The following CABCOCO1 variants were observed in gnomAD, a reference collection of about 807,000 sequenced individuals.
CABCOCO1 encodes the protein ciliary-associated calcium-binding coiled-coil protein 1.
CABCOCO1 carries 28 observed loss-of-function variants against 35.7 expected under a neutral mutation model. The ratio of observed to expected loss-of-function variants is 0.78; its 90% CI spans 0.58 to 1.07. The LOEUF (loss-of-function observed/expected upper bound fraction) is 1.07, where lower values mean the gene tolerates loss of function less well. Ranked by LOEUF, CABCOCO1 falls within the 50% of genes least tolerant of loss-of-function variation. The probability of loss-of-function intolerance (pLI) is 0.00; values close to 1 mark genes in which losing one functional copy is unlikely to be tolerated. For missense variants in CABCOCO1, 326 were observed against 309.2 expected, an observed-to-expected ratio of 1.05 and a Z score of -0.41; for synonymous variants, 95 against 100.1, an observed-to-expected ratio of 0.95 and a Z score of 0.30.
chr10:61,757,272 A>G (rs1841916806), intron 5 of CABCOCO1, among the ~76,000 whole-genome samples: 1 of 152,072 alleles, frequency 6.6e-6, no homozygotes, highest in Non-Finnish European at 1.5e-5. Flanking sequence ...GAAAAAAATC[A>G]CTGTGATGCT....
At chr10:61,677,397 A>G (rs1459608485) in intron 2 of CABCOCO1, among the ~76,000 whole-genome samples, 1 of 152,182 alleles carries the variant, frequency 6.6e-6, no homozygotes, top group Admixed American at 6.5e-5. Context: ...TTTCTGATCT[A>G]TTATTAACTG....
intron 4 of CABCOCO1, among the ~76,000 whole-genome samples, chr10:61,690,199 TAA>T (rs966037815): frequency 2.6e-5 from 4 of 152,122 alleles, no homozygotes; most frequent in African/African-American, 7.2e-5. Context: ...GCAAATAATG[TAA>T]AGTTTCATGT....
intron 2 of CABCOCO1, among the ~76,000 whole-genome samples, chr10:61,677,423 C>G (rs1022694397): frequency 6.6e-6 from 1 of 152,176 alleles, no homozygotes; most frequent in African/African-American, 2.4e-5. Flanking sequence ...AGACCTCTCT[C>G]CTATTGATAA....
At chr10:61,751,823 T>C (rs1158042894) in intron 5 of CABCOCO1, among the ~76,000 whole-genome samples, 1 of 152,146 alleles carries the variant, frequency 6.6e-6, no homozygotes. Flanking sequence ...TACTCTCAAC[T>C]GAGCAGCAGA....
intron 5 of CABCOCO1, among the ~76,000 whole-genome samples, chr10:61,692,678 G>A (rs112756032): frequency 0.027 from 4,042 of 152,078 alleles, 99 homozygotes; most frequent in African/African-American, 0.059. Context: ...CTTCATTTGG[G>A]TACTTGTTCT....
intron 5 of CABCOCO1, 57 bp downstream of exon 5, chr10:61,690,678 C>A: frequency 8.8e-7 from 1 of 1,138,828 alleles, no homozygotes; most frequent in Non-Finnish European, 1.3e-6. Context: ...GCATGCTGAT[C>A]AGCATCTGGA....
intron 5 of CABCOCO1, among the ~76,000 whole-genome samples, chr10:61,714,013 T>A (rs1187582668): frequency 2.0e-5 from 3 of 152,222 alleles, no homozygotes; most frequent in African/African-American, 7.2e-5. Context: ...ATCACGATGA[T>A]GTTGGCCTCA....
chr10:61,683,507 C>T (rs1223091467), intron 3 of CABCOCO1, among the ~76,000 whole-genome samples: 7 of 151,990 alleles, frequency 4.6e-5, no homozygotes, highest in Admixed American at 1.3e-4. Context: ...GCTGCAGTGA[C>T]CCATGATTGC....
rs1293556877 is a variant in CABCOCO1, at chr10:61,668,375, A to G, written c.61-4257A>G. ...CTGGCCTCTTAAAAATGAACTCTCTATAGTCTGTAAATATTAGACTAACAT... is the reference window on the plus strand; with the variant it reads ...CTGGCCTCTTAAAAATGAACTCTCTGTAGTCTGTAAATATTAGACTAACAT... On this transcript the variant is annotated intron_variant, in intron 1 of 7. Coordinates refer to ENST00000648843, the MANE Select transcript of CABCOCO1 (RefSeq NM_001366906.2). Among the ~76,000 whole-genome samples, 6 of 151,988 alleles carry G rather than the reference A, an allele frequency of 3.9e-5. No individual in the cohort carries two copies. The East Asian group carries it at 1.2e-3, about 29-fold the overall frequency.
intron 5 of CABCOCO1, among the ~76,000 whole-genome samples, chr10:61,753,930 G>A (rs1841845019): frequency 6.6e-6 from 1 of 152,136 alleles, no homozygotes; most frequent in African/African-American, 2.4e-5. Flanking sequence ...TAATTGGGCT[G>A]CTTGAGCAGT....
chr10:61,719,561 T>C (rs1840947616), intron 5 of CABCOCO1, among the ~76,000 whole-genome samples: 1 of 152,154 alleles, frequency 6.6e-6, no homozygotes, highest in African/African-American at 2.4e-5. Flanking sequence ...GCACTGCTGA[T>C]GAGCAAGATG....
At chr10:61,665,683 C>A (rs1839147332) in intron 1 of CABCOCO1, among the ~76,000 whole-genome samples, 1 of 151,658 alleles carries the variant, frequency 6.6e-6, no homozygotes, top group Non-Finnish European at 1.5e-5. Context: ...GTCAGGAGAT[C>A]GAGACCATCC....
intron 5 of CABCOCO1, among the ~76,000 whole-genome samples, chr10:61,758,006 A>G (rs995789157): frequency 1.3e-5 from 2 of 152,092 alleles, no homozygotes; most frequent in African/African-American, 4.8e-5. Context: ...AAGCTTAGCA[A>G]CAAGACAAAT....
At chr10:61,687,837 C>G (rs1414798382) in intron 4 of CABCOCO1, among the ~76,000 whole-genome samples, 2 of 152,012 alleles carry the variant, frequency 1.3e-5, no homozygotes, top group African/African-American at 2.4e-5. Flanking sequence ...GCTGTTAAGT[C>G]GTCATATTGT....
rs773509307 is a variant in CABCOCO1, at chr10:61,765,958, T to A, written c.836T>A (p.Leu279Gln). Residue 279 changes from leucine to glutamine, a missense_variant, in exon 8 of 8, where the codon CTG (leucine) becomes CAG (glutamine). By Grantham distance (113) the Leu-to-Gln change is moderately radical. Coordinates refer to ENST00000648843, the MANE Select transcript of CABCOCO1 (RefSeq NM_001366906.2). ...IGIQTEINEK[L>Q]QIQEEAFNAR... Reference sequence around the variant, plus strand: ...TCACAGACCGAGATAAACGAAAAACTGCAAATACAGGAAGAGGCCTTTAAT... The same window carrying A: ...TCACAGACCGAGATAAACGAAAAACAGCAAATACAGGAAGAGGCCTTTAAT... 1 of 1,613,254 alleles carries A rather than the reference T, an allele frequency of 6.2e-7. No homozygotes were observed. Among genetic ancestry groups the A allele is most frequent in the South Asian group, 1.1e-5 (1 of 91,060 alleles).
At chr10:61,756,049 T>C (rs533655504) in intron 5 of CABCOCO1, among the ~76,000 whole-genome samples, 13 of 152,132 alleles carry the variant, frequency 8.5e-5, no homozygotes, top group African/African-American at 3.1e-4. Context: ...TACGATTTTA[T>C]TTGCCATGTA....
intron 1 of CABCOCO1, among the ~76,000 whole-genome samples, chr10:61,668,714 CT>C (rs1249230522): frequency 4.0e-5 from 6 of 151,758 alleles, no homozygotes; most frequent in East Asian, 1.9e-4. Context: ...TTTTCTTTCA[CT>C]TTTTTTATTG....
intron 5 of CABCOCO1, among the ~76,000 whole-genome samples, chr10:61,715,433 T>C (rs1032036766): frequency 6.6e-6 from 1 of 152,198 alleles, no homozygotes; most frequent in Non-Finnish European, 1.5e-5. Flanking sequence ...ATCTCCTGAA[T>C]ACAGCACACT....
At chr10:61,679,502 T>A (rs570936919) in intron 2 of CABCOCO1, among the ~76,000 whole-genome samples, 13 of 152,296 alleles carry the variant, frequency 8.5e-5, no homozygotes, top group African/African-American at 3.1e-4. Context: ...GTCTATTCAT[T>A]CTTTTCTTTC....
Sources: allele counts gnomAD v4.1 joint callset (sites outside exome capture counted in the v4.1 genomes callset), GRCh38; gene constraint gnomAD v4.1.1; transcripts MANE v1.5; gene names NCBI Gene and HGNC (gene_info 2026-07-23, HGNC 2026-07-21).